Variants in OXCT1 observed in about 807,000 individuals in gnomAD.
OXCT1 encodes the protein succinyl-CoA:3-ketoacid coenzyme A transferase 1, mitochondrial.
A neutral mutation model predicts 69.6 loss-of-function variants in OXCT1; 27 were observed. The observed-to-expected ratio is 0.39, with a 90% CI of 0.29 to 0.54. The LOEUF is 0.54. Ranked by LOEUF, OXCT1 falls within the 20% of genes least tolerant of loss-of-function variation. The probability of loss-of-function intolerance (pLI) is 0.72; values close to 1 mark genes in which losing one functional copy is unlikely to be tolerated. For missense variants in OXCT1, 437 were observed against 650.2 expected (o/e 0.67, Z 3.57); for synonymous variants, 202 against 217.8 (o/e 0.93, Z 0.64).
chr5:41,779,353 A>T (rs766791678), intron 13 of OXCT1, among the ~76,000 whole-genome samples: 1 of 152,174 alleles, frequency 6.6e-6, no homozygotes, highest in Non-Finnish European at 1.5e-5. Flanking sequence ...AATCTGAATT[A>T]AACAAAATTA....
Position 41,790,783 on chromosome 5 carries a change from T to A in OXCT1, c.1248+3220A>T, listed in dbSNP as rs1745877786. 2.0e-5 allele frequency among the ~76,000 whole-genome samples: 3 copies of A among 152,294 alleles called. 1 individual carries two copies. The South Asian group carries it at 6.2e-4, about 32-fold the overall frequency. On this transcript the variant is annotated intron_variant, in intron 13 of 16. Coordinates refer to ENST00000196371, the MANE Select transcript of OXCT1 (RefSeq NM_000436.4). ...ATCTTTGGGACAAATAAAAATAGATTGCTTACTGAAATTACATAAGGAAGG... is the reference window on the plus strand; with the variant it reads ...ATCTTTGGGACAAATAAAAATAGATAGCTTACTGAAATTACATAAGGAAGG...
At chr5:41,859,907 T>TATATATATATATATATACACACACAC (rs1304074270) in intron 3 of OXCT1, among the ~76,000 whole-genome samples, 1 of 138,480 alleles carries the variant, frequency 7.2e-6, no homozygotes, top group African/African-American at 2.7e-5. Flanking sequence ...TATATATATA[T>TATATATATATATATATACACACACAC]ACACACACAC....
chr5:41,823,083 G>T (rs1172546964), intron 7 of OXCT1, among the ~76,000 whole-genome samples: 1 of 151,804 alleles, frequency 6.6e-6, no homozygotes, highest in Non-Finnish European at 1.5e-5. Flanking sequence ...TGTTACACTT[G>T]AGTTTGCAAT....
chr5:41,755,438 T>C (rs1215423737), intron 14 of OXCT1, among the ~76,000 whole-genome samples: 2 of 152,188 alleles, frequency 1.3e-5, no homozygotes, highest in Non-Finnish European at 1.5e-5. Flanking sequence ...TATACGCTTT[T>C]ATAAATGAGA....
chr5:41,798,871 AG>A (rs1475864355), intron 11 of OXCT1, among the ~76,000 whole-genome samples: 1 of 152,162 alleles, frequency 6.6e-6, no homozygotes, highest in Non-Finnish European at 1.5e-5. Context: ...CAGTGTATAG[AG>A]AAAAAGGCCA....
intron 7 of OXCT1, among the ~76,000 whole-genome samples, chr5:41,818,562 G>A (rs1271231071): frequency 6.6e-6 from 1 of 152,166 alleles, no homozygotes; most frequent in Non-Finnish European, 1.5e-5. Context: ...TAATGATGCT[G>A]GGACAGTCTC....
chr5:41,811,466 G>C (rs1255374016), intron 7 of OXCT1, among the ~76,000 whole-genome samples: 2 of 151,940 alleles, frequency 1.3e-5, no homozygotes, highest in African/African-American at 4.8e-5. Flanking sequence ...TTAAACAAGA[G>C]GCAATGTAGA....
intron 1 of OXCT1, among the ~76,000 whole-genome samples, chr5:41,867,683 T>C (rs1475505888): frequency 6.6e-6 from 1 of 152,166 alleles, no homozygotes; most frequent in East Asian, 1.9e-4. Context: ...CAGAAAGAGC[T>C]TTAAGCACCA....
At chr5:41,866,755 T>C (rs1373292469) in intron 1 of OXCT1, among the ~76,000 whole-genome samples, 1 of 152,180 alleles carries the variant, frequency 6.6e-6, no homozygotes, top group East Asian at 1.9e-4. Flanking sequence ...TGGTGTGCAT[T>C]GTTATTGAGG....
At chr5:41,742,734 T>A (rs913430827) in intron 15 of OXCT1, among the ~76,000 whole-genome samples, 21 of 151,838 alleles carry the variant, frequency 1.4e-4, no homozygotes, top group Admixed American at 3.3e-4. Context: ...CAGTGTTTGG[T>A]TTTCTGTCCT....
At chr5:41,847,308 A>C (rs1006275472) in intron 5 of OXCT1, among the ~76,000 whole-genome samples, 1 of 152,162 alleles carries the variant, frequency 6.6e-6, no homozygotes, top group African/African-American at 2.4e-5. Context: ...AACCAAAAAC[A>C]GTCCAGGACC....
chr5:41,843,672 T>C (rs999184256), intron 5 of OXCT1: 5 of 450,088 alleles, frequency 1.1e-5, no homozygotes, highest in Non-Finnish European at 1.8e-5. Flanking sequence ...CATGTGAATG[T>C]AGAACTCCAT....
chr5:41,789,413 G>A (rs935876993), intron 13 of OXCT1, among the ~76,000 whole-genome samples: 4 of 152,144 alleles, frequency 2.6e-5, no homozygotes, highest in African/African-American at 4.8e-5. Flanking sequence ...CAAAAACGTT[G>A]TCGTTTATAT....
chr5:41,862,684 C>A lies in OXCT1; in HGVS notation c.145G>T (p.Ala49Ser), dbSNP rs1176969822. Reference sequence around the variant, plus strand: ...GCACCATCAGGGATGTCTTTTACAGCTTCTACTGGATCTGTATAAAACTTG... The same window carrying A: ...GCACCATCAGGGATGTCTTTTACAGATTCTACTGGATCTGTATAAAACTTG... ...HTKFYTDPVE[A>S]VKDIPDGATV... is the part of the protein sequence containing the mutation. The change falls in exon 2 of 17, where the codon GCT (alanine) becomes TCT (serine). Residue 49 changes from alanine (A) to serine (S), a missense_variant. By Grantham distance (99) the Ala-to-Ser change is moderately conservative. Coordinates refer to ENST00000196371, the MANE Select transcript of OXCT1 (RefSeq NM_000436.4). 2 of 1,612,838 alleles carry A rather than the reference C, an allele frequency of 1.2e-6. No homozygotes were observed. The highest frequency in any genetic ancestry group is 1.7e-6 in the Non-Finnish European group (2 of 1,179,264).
intron 5 of OXCT1, among the ~76,000 whole-genome samples, chr5:41,849,748 A>G (rs1749091352): frequency 6.6e-6 from 1 of 152,188 alleles, no homozygotes; most frequent in Admixed American, 6.5e-5. Flanking sequence ...CTGTTTCTCA[A>G]TTTGTTAAAG....
rs991653931 is a variant in OXCT1, at chr5:41,762,997, A to G, written c.1249-797T>C. On this transcript the variant is annotated intron_variant, in intron 13 of 16. Coordinates refer to ENST00000196371, the MANE Select transcript of OXCT1 (RefSeq NM_000436.4). The surrounding 1 kb of genome is among the most constrained non-coding windows in gnomAD (Gnocchi z 4.0). The stretch of plus-strand genomic sequence containing the variant: ...TGATTCTTACTCAAGTATATTGAGG[A>G]GAAATGTCTTTGAACTGAAACCTCC... Among the ~76,000 whole-genome samples, 1 of 152,136 alleles carries G rather than the reference A, an allele frequency of 6.6e-6. No individual in the cohort carries two copies. Among genetic ancestry groups the G allele is most frequent in the African/African-American group, 2.4e-5 (1 of 41,452 alleles).
At chr5:41,810,409 A>G (rs1310119317) in intron 7 of OXCT1, among the ~76,000 whole-genome samples, 3 of 152,092 alleles carry the variant, frequency 2.0e-5, no homozygotes, top group Non-Finnish European at 4.4e-5. Context: ...GGCAGATGTA[A>G]GTATCCTCAG....
At chr5:41,845,198 CT>C (rs1212094493) in intron 5 of OXCT1, among the ~76,000 whole-genome samples, 10 of 152,304 alleles carry the variant, frequency 6.6e-5, no homozygotes, top group Admixed American at 6.5e-4. Context: ...GCCTCAGCAC[CT>C]TGTACTTACT....
intron 5 of OXCT1, among the ~76,000 whole-genome samples, 161 bp downstream of exon 5, chr5:41,849,869 G>C (rs772306063): frequency 6.6e-6 from 1 of 152,154 alleles, no homozygotes; most frequent in Non-Finnish European, 1.5e-5. Flanking sequence ...TTAAATGCTA[G>C]TGGATGCCCA....
Sources: gnomAD v4.1 joint callset for allele counts (sites outside exome capture counted in the v4.1 genomes callset) on GRCh38, gnomAD v4.1.1 for gene constraint, Gnocchi (gnomAD v3.1) non-coding constraint, MANE v1.5 for transcripts, NCBI Gene and HGNC (gene_info 2026-07-23, HGNC 2026-07-21) for gene names.